CTXN2: variants seen among roughly 807,000 people sequenced by gnomAD.
The protein encoded by CTXN2 is cortexin-2.
A neutral mutation model predicts 5.7 loss-of-function variants in CTXN2; 3 were observed. That is an observed-to-expected ratio of 0.53 (90% CI 0.24 to 1.36). CTXN2 has a LOEUF of 1.36. Ranked by LOEUF, CTXN2 falls within the 40% of genes most tolerant of loss-of-function variation. The pLI, the probability that CTXN2 is intolerant of heterozygous loss-of-function variation, is 0.17. For missense variants in CTXN2, 87 were observed against 93.0 expected (o/e 0.94, Z 0.26); for synonymous variants, 38 against 36.4 (o/e 1.04, Z -0.16).
At chr15:48,185,256 AC>A (rs1430899213) in intron 1 of CTXN2, among the ~76,000 whole-genome samples, 1 of 152,172 alleles carries the variant, frequency 6.6e-6, no homozygotes, top group Non-Finnish European at 1.5e-5. Context: ...GAACTGACCA[AC>A]AAAAAGAATA....
Position 48,191,776 on chromosome 15 carries a change from G to C in CTXN2, c.-135G>C, listed in dbSNP as rs2040825658. 2.2e-6 allele frequency: 1 copy of C among 455,902 alleles called. No homozygotes were observed. Among genetic ancestry groups the C allele is most frequent in the African/African-American group, 2.0e-5 (1 of 50,036 alleles). 28.2% of individuals were successfully genotyped at this position (455,902 alleles called of 1,614,324 possible). A position where few individuals can be genotyped will look rare whatever the true frequency, so the allele number is the denominator to read the frequency against. On this transcript the variant is annotated 5_prime_UTR_variant, in exon 1 of 2. Transcript: ENST00000417307. ...CGCCTTCTACATTTGTTACTGAACC[G>C]ATCAGCGAACACAGACAAACGTGCC... is the stretch of plus-strand genomic sequence containing the variant.
chr15:48,201,661 C>A lies in CTXN2; in HGVS notation c.*115C>A. ...CATTTTGTTCAGTGAATTCAATAAACATCTGTGACTAATTTCTTCACCATG... is the reference window on the plus strand; with the variant it reads ...CATTTTGTTCAGTGAATTCAATAAAAATCTGTGACTAATTTCTTCACCATG... On this transcript the variant is annotated 3_prime_UTR_variant, in exon 2 of 2. Transcript: ENST00000417307. 2.1e-6 allele frequency: 2 copies of A among 962,476 alleles called. No individual in the cohort carries two copies. The highest frequency in any genetic ancestry group is 3.1e-6 in the Non-Finnish European group (2 of 647,720). 59.6% of individuals were successfully genotyped at this position (962,476 alleles called of 1,614,324 possible). A position where few individuals can be genotyped will look rare whatever the true frequency, so the allele number is the denominator to read the frequency against.
Position 48,203,460 on chromosome 15 carries a change from C to T in CTXN2, c.*1914C>T, listed in dbSNP as rs1211114744. 2 of 166,992 alleles carry T rather than the reference C, an allele frequency of 1.2e-5. No homozygotes were observed. Among genetic ancestry groups the T allele is most frequent in the Admixed American group, 1.3e-4 (2 of 15,266 alleles). The allele number at this position is 166,992 out of a possible 1,614,324, so 10.3% of individuals were successfully genotyped here. A position where few individuals can be genotyped will look rare whatever the true frequency, so the allele number is the denominator to read the frequency against. On this transcript the variant is annotated 3_prime_UTR_variant, in exon 2 of 2. Transcript: ENST00000417307. ...GGCCACTGGGCCAAGTTCAACTGAACATACTGAAAATTGTGTGTGCCAGGA... is the reference window on the plus strand; with the variant it reads ...GGCCACTGGGCCAAGTTCAACTGAATATACTGAAAATTGTGTGTGCCAGGA...
chr15:48,180,523 C>A (rs982449810), intron 1 of CTXN2, among the ~76,000 whole-genome samples: 1 of 151,832 alleles, frequency 6.6e-6, no homozygotes, highest in Admixed American at 6.6e-5. Flanking sequence ...TTTGTTTTGT[C>A]TTTTTTGAGA....
chr15:48,188,157 A>G (rs971137691), upstream of CTXN2, among the ~76,000 whole-genome samples: 2 of 152,120 alleles, frequency 1.3e-5, no homozygotes, highest in Non-Finnish European at 2.9e-5. Context: ...CACACATTAA[A>G]ACAAATAATT....
At chr15:48,184,130 T>A (rs896826492) in intron 1 of CTXN2, among the ~76,000 whole-genome samples, 8 of 152,218 alleles carry the variant, frequency 5.3e-5, no homozygotes, top group African/African-American at 1.9e-4. Flanking sequence ...TCATAGTCAC[T>A]AACTTCAATT....
intron 1 of CTXN2, among the ~76,000 whole-genome samples, chr15:48,195,129 A>T (rs1018175419): frequency 6.6e-6 from 1 of 152,176 alleles, no homozygotes; most frequent in South Asian, 2.1e-4. Context: ...CTTGTCATTT[A>T]CTTTTTAAGT....
In CTXN2 at chr15:48,201,655, A is replaced by C; in HGVS notation, c.*109A>C. On this transcript the variant is annotated 3_prime_UTR_variant, in exon 2 of 2. Transcript: ENST00000417307. ...GAGGCTCATTTTGTTCAGTGAATTC[A>C]ATAAACATCTGTGACTAATTTCTTC... The C allele has an allele frequency of 9.6e-7, 1 of 1,046,180 alleles. No homozygotes were observed. Among genetic ancestry groups the C allele is most frequent in the Non-Finnish European group, 1.4e-6 (1 of 722,190 alleles). 64.8% of individuals were successfully genotyped at this position (1,046,180 alleles called of 1,614,324 possible). A position where few individuals can be genotyped will look rare whatever the true frequency, so the allele number is the denominator to read the frequency against.
At chr15:48,183,269 C>T (rs2040716177) in intron 1 of CTXN2, among the ~76,000 whole-genome samples, 1 of 152,230 alleles carries the variant, frequency 6.6e-6, no homozygotes, top group Non-Finnish European at 1.5e-5. Flanking sequence ...AAAATAAAAT[C>T]AGGCCAAATG....
intron 1 of CTXN2, among the ~76,000 whole-genome samples, chr15:48,195,162 T>A (rs75126307): frequency 0.044 from 6,738 of 152,234 alleles, 499 homozygotes; most frequent in African/African-American, 0.16. Flanking sequence ...CTTATTTTCT[T>A]TGTTTTGATT....
upstream of CTXN2, among the ~76,000 whole-genome samples, chr15:48,186,849 G>T (rs1349091326): frequency 6.7e-6 from 1 of 150,138 alleles, no homozygotes; most frequent in East Asian, 2.0e-4. Flanking sequence ...GGCAGAGGTT[G>T]CAGTGAGCAG....
Position 48,203,412 on chromosome 15 carries a change from G to A in CTXN2, c.*1866G>A, listed in dbSNP as rs2040943237. ...GTAGGCCTGGTACACCTCATAGCCA[G>A]TTAGTAACTTGGCCCAAGAACAGGC... On this transcript the variant is annotated 3_prime_UTR_variant, in exon 2 of 2. Transcript: ENST00000417307. 1 of 167,070 alleles carries A rather than the reference G, an allele frequency of 6.0e-6. No homozygotes were observed. The highest frequency in any genetic ancestry group is 2.1e-4 in the South Asian group (1 of 4,828). The allele number at this position is 167,070 out of a possible 1,614,324, so 10.3% of individuals were successfully genotyped here. A position where few individuals can be genotyped will look rare whatever the true frequency, so the allele number is the denominator to read the frequency against.
chr15:48,188,848 T>C (rs1000403268), upstream of CTXN2, among the ~76,000 whole-genome samples: 1 of 152,222 alleles, frequency 6.6e-6, no homozygotes, highest in African/African-American at 2.4e-5. Context: ...AAGTATTCTG[T>C]GTTTTATCTT....
At chr15:48,181,004 T>G (rs1374064407) in intron 1 of CTXN2, among the ~76,000 whole-genome samples, 1 of 152,224 alleles carries the variant, frequency 6.6e-6, no homozygotes, top group East Asian at 1.9e-4. Flanking sequence ...AGAATGCATG[T>G]TTATGTGTGT....
intron 1 of CTXN2, among the ~76,000 whole-genome samples, chr15:48,194,136 A>G (rs2040854042): frequency 6.6e-6 from 1 of 152,088 alleles, no homozygotes; most frequent in Admixed American, 6.6e-5. Context: ...TCTTTAGTAT[A>G]AAGTATATTT....
intron 1 of CTXN2, among the ~76,000 whole-genome samples, chr15:48,200,625 C>T (rs143681742): frequency 1.3e-4 from 20 of 152,258 alleles, no homozygotes; most frequent in Admixed American, 8.5e-4. Context: ...CTCTGTTGGG[C>T]ACTGCCTGCA....
upstream of CTXN2, chr15:48,189,478 A>C (rs571599410): frequency 2.6e-5 from 4 of 152,366 alleles, no homozygotes; most frequent in African/African-American, 9.6e-5. Context: ...CAGCAGAATC[A>C]TGTAACTTAG....
chr15:48,181,474 G>A (rs1334462338), intron 1 of CTXN2, among the ~76,000 whole-genome samples: 1 of 152,164 alleles, frequency 6.6e-6, no homozygotes, highest in Non-Finnish European at 1.5e-5. Flanking sequence ...CTGTGGGGGA[G>A]GTTGGCAAAT....
rs1483787352 is a variant in CTXN2, at chr15:48,201,713, G to T, written c.*167G>T. 6 of 712,942 alleles carry T rather than the reference G, an allele frequency of 8.4e-6. 1 individual carries two copies. In the South Asian group the frequency reaches 1.2e-4, roughly 14 times the overall value. The allele number at this position is 712,942 out of a possible 1,614,324, so 44.2% of individuals were successfully genotyped here. The stretch of plus-strand genomic sequence containing the variant: ...TGTGTAAATGATAAACTATTGTTGG[G>T]ATTCCTCACTTTCCTCTGTTCCCAC... On this transcript the variant is annotated 3_prime_UTR_variant, in exon 2 of 2. Transcript: ENST00000417307.
Sources: allele counts gnomAD v4.1 joint callset (sites outside exome capture counted in the v4.1 genomes callset), GRCh38; gene constraint gnomAD v4.1.1; transcripts MANE v1.5; gene names NCBI Gene and HGNC (gene_info 2026-07-23, HGNC 2026-07-21).